The following EPS8L2 variants were observed in gnomAD, a reference collection of about 807,000 sequenced individuals.
EPS8L2 encodes the protein EPS8 signaling adaptor L2.
Under a neutral mutation model 99.4 loss-of-function variants are expected in EPS8L2, and 81 were observed. The observed-to-expected ratio is 0.82, with a 90% CI of 0.68 to 0.98. The LOEUF is 0.98. Among genes scored for constraint, EPS8L2 ranks in the 50% least tolerant of loss-of-function variants. The pLI is 0.00. For synonymous variants in EPS8L2, 509 were observed against 407.3 expected (o/e 1.25, Z -3.01); for missense variants, 1,155 against 968.8 (o/e 1.19, Z -2.55).
chr11:726,419 G>A lies in EPS8L2; in HGVS notation c.1869G>A (p.Pro623=). The change falls in exon 19 of 21, where the codon CCG becomes CCA. Residue 623 remains proline, a synonymous_variant. Coordinates refer to ENST00000318562, the MANE Select transcript of EPS8L2 (RefSeq NM_022772.4). ...RVERSQPVSQ[P]LTYESGPDEV... ...AGCGCAGCCAGCCCGTGAGCCAGCC[G>A]CTCACCTACGAGTCGGGTCCGGACG... is the stretch of plus-strand genomic sequence containing the variant. 1 of 1,603,288 alleles carries A rather than the reference G, an allele frequency of 6.2e-7. No homozygotes were observed. The highest frequency in any genetic ancestry group is 8.5e-7 in the Non-Finnish European group (1 of 1,176,120).
chr11:721,506 C>T (rs1274598888), intron 9 of EPS8L2, 59 bp from the exon 10 acceptor site: 2 of 1,517,728 alleles, frequency 1.3e-6, no homozygotes, highest in Non-Finnish European at 1.8e-6. Context: ...GCTGTCCCTG[C>T]AGCAAGGCGG....
At chr11:717,495 G>C (rs1862051277) in intron 4 of EPS8L2, among the ~76,000 whole-genome samples, 1 of 152,246 alleles carries the variant, frequency 6.6e-6, no homozygotes, top group Admixed American at 6.5e-5. Context: ...GGCTGGGCAG[G>C]TGCTGGATGA....
chr11:726,221 G>T (rs766420980), intron 18 of EPS8L2, 51 bp downstream of exon 18: 13 of 1,572,798 alleles, frequency 8.3e-6, no homozygotes, highest in Non-Finnish European at 7.8e-6. Context: ...GCCACCTGGG[G>T]GAGGAAGTGT....
rs1862188807 is a variant in EPS8L2, at chr11:721,909, T to A, written c.902T>A (p.Val301Asp). The A allele has an allele frequency of 1.3e-6, 2 of 1,588,628 alleles. No individual in the cohort carries two copies. The highest frequency in any genetic ancestry group is 1.7e-6 in the Non-Finnish European group (2 of 1,168,216). ...KKGKKAPAEG[V>D]LTLRARPPSE... ...GCGGTGCCTCCCATGCCAGAGGGCG[T>A]CCTCACACTGCGGGCACGGCCCCCC... The change falls in exon 11 of 21, where the codon GTC (valine) becomes GAC (aspartate). Residue 301 changes from valine to aspartate, a missense_variant. Coordinates refer to ENST00000318562, the MANE Select transcript of EPS8L2 (RefSeq NM_022772.4).
intron 4 of EPS8L2, among the ~76,000 whole-genome samples, chr11:714,339 C>A (rs942748727): frequency 6.6e-6 from 1 of 151,484 alleles, no homozygotes; most frequent in Non-Finnish European, 1.5e-5. Context: ...AAGCAATTCT[C>A]CTGCCTCAGC....
intron 9 of EPS8L2, 101 bp from the exon 10 acceptor site, chr11:721,464 T>G (rs1590054289): frequency 6.7e-7 from 1 of 1,490,920 alleles, no homozygotes; most frequent in Middle Eastern, 1.8e-4. Flanking sequence ...CCTCCGAAGG[T>G]GTGGGGCCCA....
intron 4 of EPS8L2, among the ~76,000 whole-genome samples, chr11:714,510 C>A (rs958507915): frequency 1.3e-5 from 2 of 151,832 alleles, no homozygotes; most frequent in South Asian, 2.1e-4. Flanking sequence ...GGATTACAGG[C>A]GTGAGCCGCC....
At chr11:712,461 G>C (rs979040218) in intron 4 of EPS8L2, among the ~76,000 whole-genome samples, 3 of 150,832 alleles carry the variant, frequency 2.0e-5, no homozygotes, top group Non-Finnish European at 3.0e-5. Flanking sequence ...TCCAAGCCTG[G>C]GTGCGAGCTG....
At chr11:725,198 G>A (rs1862281816) in intron 16 of EPS8L2, among the ~76,000 whole-genome samples, 1 of 152,240 alleles carries the variant, frequency 6.6e-6, no homozygotes, top group Non-Finnish European at 1.5e-5. Context: ...GACAGAAAGT[G>A]GAGCAGGCTA....
chr11:723,374 G>A, intron 15 of EPS8L2, 21 bp downstream of exon 15: 1 of 1,167,618 alleles, frequency 8.6e-7, no homozygotes, highest in Non-Finnish European at 1.2e-6. Context: ...CTCAAAGTGA[G>A]GGAGCATGAA....
At chr11:708,496 G>A (rs956023271) in intron 1 of EPS8L2, 7 of 152,262 alleles carry the variant, frequency 4.6e-5, no homozygotes, top group African/African-American at 1.2e-4. Flanking sequence ...ACCCTACCTC[G>A]TTGGAGGGGC....
chr11:710,982 G>A (rs371332774), intron 4 of EPS8L2, among the ~76,000 whole-genome samples: 7 of 152,310 alleles, frequency 4.6e-5, no homozygotes, highest in African/African-American at 1.7e-4. Flanking sequence ...CACTGTGGCT[G>A]CTGCCCAGCC....
Position 727,295 on chromosome 11 carries a change from G to T in EPS8L2, c.*314G>T. Reference sequence around the variant, plus strand: ...CTCTGGCCTCCCCTGTGCACCTGGGGGGTCCTGGCCCCTGTGATGCTCCCC... The same window carrying T: ...CTCTGGCCTCCCCTGTGCACCTGGGTGGTCCTGGCCCCTGTGATGCTCCCC... On this transcript the variant is annotated 3_prime_UTR_variant, in exon 21 of 21. Coordinates refer to ENST00000318562, the MANE Select transcript of EPS8L2 (RefSeq NM_022772.4). 1 of 279,288 alleles carries T rather than the reference G, an allele frequency of 3.6e-6. No homozygotes were observed. The highest frequency in any genetic ancestry group is 6.9e-6 in the Non-Finnish European group (1 of 145,214). The allele number at this position is 279,288 out of a possible 1,614,324, so 17.3% of individuals were successfully genotyped here.
intron 7 of EPS8L2, 74 bp from the exon 8 acceptor site, chr11:720,990 G>GGGGAGGAGCCCGGCAGGGGAT: frequency 2.0e-6 from 3 of 1,466,730 alleles, no homozygotes; most frequent in Non-Finnish European, 2.7e-6. Context: ...CGGCAGGGGA[G>GGGGAGGAGCCCGGCAGGGGAT]GGGAGGAGCC....
At chr11:711,840 A>G (rs190857910) in intron 4 of EPS8L2, among the ~76,000 whole-genome samples, 1 of 151,612 alleles carries the variant, frequency 6.6e-6, no homozygotes, top group East Asian at 2.0e-4. Flanking sequence ...AAAATTAGCC[A>G]GGCGTCGTGG....
Position 721,073 on chromosome 11 carries a change from G to A in EPS8L2, c.567G>A (p.Gln189=). 2 of 1,507,016 alleles carry A rather than the reference G, an allele frequency of 1.3e-6. No individual in the cohort carries two copies. The highest frequency in any genetic ancestry group is 1.8e-6 in the Non-Finnish European group (2 of 1,129,324). The allele number at this position is 1,507,016 out of a possible 1,614,324, so 93.4% of individuals were successfully genotyped here. A position where few individuals can be genotyped will look rare whatever the true frequency, so the allele number is the denominator to read the frequency against. Residue 189 remains glutamine, a synonymous_variant, in exon 8 of 21, where the codon CAG becomes CAA. Coordinates refer to ENST00000318562, the MANE Select transcript of EPS8L2 (RefSeq NM_022772.4). ...KMRPQTLKGH[Q]EKIRQRQSIL... ...CCCCCTCGCCCTCCAGGGGACACCA[G>A]GAGAAGATTCGGCAGCGGCAGTCCA...
chr11:726,495 G>A lies in EPS8L2; in HGVS notation c.1934+11G>A, dbSNP rs747960056. On this transcript the variant is annotated intron_variant, in intron 19 of 20. Transcript: ENST00000318562. ...GGCCTTCAGCCCGCGGTGAGCGGGGGCGGGGGATGAGCTGGGGCCCGGGCG... is the reference window on the plus strand; with the variant it reads ...GGCCTTCAGCCCGCGGTGAGCGGGGACGGGGGATGAGCTGGGGCCCGGGCG... The A allele has an allele frequency of 3.1e-5, 48 of 1,544,808 alleles. No individual in the cohort carries two copies. Among genetic ancestry groups the A allele is most frequent in the Non-Finnish European group, 2.1e-5 (24 of 1,144,766 alleles).
At chr11:725,074 G>A (rs1270873649) in intron 16 of EPS8L2, among the ~76,000 whole-genome samples, 2 of 152,236 alleles carry the variant, frequency 1.3e-5, no homozygotes, top group Non-Finnish European at 2.9e-5. Context: ...CCAGGCTGGG[G>A]GGAGCATCTG....
chr11:706,985 G>T (rs1004932410), intron 1 of EPS8L2, among the ~76,000 whole-genome samples: 3 of 152,150 alleles, frequency 2.0e-5, no homozygotes, highest in Middle Eastern at 3.4e-3. Context: ...GCCCCTTGCT[G>T]CGGGGTGTCC....
Sources: allele counts gnomAD v4.1 joint callset (sites outside exome capture counted in the v4.1 genomes callset), GRCh38; gene constraint gnomAD v4.1.1; transcripts MANE v1.5; gene names NCBI Gene and HGNC (gene_info 2026-07-23, HGNC 2026-07-21).